The following EIF4E2 variants were observed in gnomAD, a reference collection of about 807,000 sequenced individuals.
The protein encoded by EIF4E2 is eukaryotic translation initiation factor 4E family member 2, also known as eukaryotic translation initiation factor 4E type 2.
Under a neutral mutation model 34.2 loss-of-function variants are expected in EIF4E2, and 13 were observed. The observed-to-expected ratio is 0.38, with a 90% CI of 0.25 to 0.60. The LOEUF is 0.60. Among genes scored for constraint, EIF4E2 ranks in the 20% least tolerant of loss-of-function variants. The pLI, the probability that EIF4E2 is intolerant of heterozygous loss-of-function variation, is 0.62. For synonymous variants in EIF4E2, 100 were observed against 106.6 expected (o/e 0.94, Z 0.38); for missense variants, 222 against 315.1 (o/e 0.70, Z 2.24).
chr2:232,554,029 AG>A (rs540851710), intron 1 of EIF4E2: 35 of 152,416 alleles, frequency 2.3e-4, no homozygotes, highest in African/African-American at 8.2e-4. Context: ...TTGCATCCCA[AG>A]GGTGTGCCCT....
chr2:232,569,131 G>T lies in EIF4E2; in HGVS notation c.*114G>T. The T allele has an allele frequency of 6.6e-7, 1 of 1,508,950 alleles. No individual in the cohort carries two copies. The highest frequency in any genetic ancestry group is 1.4e-5 in the African/African-American group (1 of 71,724). 93.5% of individuals were successfully genotyped at this position (1,508,950 alleles called of 1,614,324 possible). A position where few individuals can be genotyped will look rare whatever the true frequency, so the allele number is the denominator to read the frequency against. ...GTCCTGGACAAGAGGAATTGGAAGA[G>T]CATTTTATGTTTTAAGAACAGGCTG... On this transcript the variant is annotated 3_prime_UTR_variant, in exon 7 of 7. Coordinates refer to ENST00000258416, the MANE Select transcript of EIF4E2 (RefSeq NM_004846.4).
intron 6 of EIF4E2, chr2:232,580,877 C>CT: frequency 1.3e-6 from 2 of 1,541,170 alleles, no homozygotes; most frequent in African/African-American, 1.4e-5. Context: ...ATTGAACACT[C>CT]TATTTTCTCC....
chr2:232,560,797 A>C (rs1692695954), intron 3 of EIF4E2, among the ~76,000 whole-genome samples: 1 of 152,258 alleles, frequency 6.6e-6, no homozygotes, highest in Admixed American at 6.5e-5. Flanking sequence ...TGAGCTGATA[A>C]AATTTCAGCC....
At position 232,566,298 on chromosome 2, in the gene EIF4E2, C is replaced by T. The variant is rs939862508; in HGVS notation, c.376-531C>T. Among the ~76,000 whole-genome samples, 79 of 152,210 alleles carry T rather than the reference C, an allele frequency of 5.2e-4. No individual in the cohort carries two copies. Among genetic ancestry groups the T allele is most frequent in the African/African-American group, 1.9e-3 (78 of 41,556 alleles). On this transcript the variant is annotated intron_variant, in intron 4 of 6. Coordinates refer to ENST00000258416, the MANE Select transcript of EIF4E2 (RefSeq NM_004846.4). This position sits in a 1 kb window ranked among gnomAD's most constrained non-coding sequence, Gnocchi z 4.9. ...GCCTCCCGAGTTCACGCCATTCTCC[C>T]GCCTCAGCCTCCCGAGTAGCTGGGA...
At chr2:232,563,341 G>A (rs1048159090) in intron 3 of EIF4E2, among the ~76,000 whole-genome samples, 3 of 151,912 alleles carry the variant, frequency 2.0e-5, no homozygotes, top group Non-Finnish European at 4.4e-5. Context: ...GGAGTTAGAG[G>A]CTGTGATGAG....
At chr2:232,560,654 G>A (rs866659098) in intron 3 of EIF4E2, among the ~76,000 whole-genome samples, 7 of 152,040 alleles carry the variant, frequency 4.6e-5, no homozygotes, top group South Asian at 4.2e-4. Context: ...TTCAAAGGAC[G>A]CTATCAAGAA....
At chr2:232,564,861 T>C (rs1692864743) in intron 4 of EIF4E2, among the ~76,000 whole-genome samples, 1 of 152,230 alleles carries the variant, frequency 6.6e-6, no homozygotes, top group African/African-American at 2.4e-5. Context: ...TGTGGGTTGG[T>C]GCTGGGTGTT....
rs187043741 is a variant in EIF4E2 at position 232,555,881 on chromosome 2, A to C, written c.21-535A>C. Among the ~76,000 whole-genome samples the C allele has an allele frequency of 6.6e-4, 100 of 152,268 alleles. No individual in the cohort carries two copies. In the East Asian group the frequency reaches 0.017, roughly 25 times the overall value. ...CATGCAAGTTAAATGTCAGATTTGC[A>C]CTTAAAAAGATAATGCTAGTGAAAG... On this transcript the variant is annotated intron_variant, in intron 1 of 6. Transcript: ENST00000258416.
intron 3 of EIF4E2, among the ~76,000 whole-genome samples, chr2:232,559,594 T>A (rs1429408394): frequency 6.6e-6 from 1 of 152,150 alleles, no homozygotes; most frequent in Admixed American, 6.5e-5. Flanking sequence ...GTCAGTGATA[T>A]TATCCATGTT....
intron 6 of EIF4E2, chr2:232,568,651 C>T (rs1287813549): frequency 1.0e-6 from 1 of 985,096 alleles, no homozygotes; most frequent in Admixed American, 6.2e-5. Context: ...CATCAATTCT[C>T]CCCTTCTCTG....
chr2:232,569,255 C>A (rs1574673375), downstream of EIF4E2: 3 of 1,355,110 alleles, frequency 2.2e-6, no homozygotes. Flanking sequence ...AAAGATGTGG[C>A]CTTTCGGACT....
At chr2:232,574,138 T>A, downstream of EIF4E2, 1 of 965,120 alleles carries the variant, frequency 1.0e-6, no homozygotes, top group Non-Finnish European at 1.6e-6. Context: ...TGCTCCCAGG[T>A]ACCTGTGGCT....
At chr2:232,576,279 T>G (rs1196350122) in intron 6 of EIF4E2, among the ~76,000 whole-genome samples, 1 of 152,214 alleles carries the variant, frequency 6.6e-6, no homozygotes, top group African/African-American at 2.4e-5. Flanking sequence ...CAGTGTTTAC[T>G]TCTTAAAGTA....
chr2:232,574,490 G>A (rs1284765677), intron 6 of EIF4E2: 2 of 787,680 alleles, frequency 2.5e-6, no homozygotes, highest in Non-Finnish European at 4.1e-6. Context: ...CATCCTCCCT[G>A]GGTCCCATGT....
In EIF4E2 at chr2:232,550,753, C is replaced by T. The variant is rs1692276186; in HGVS notation, c.20+9C>T. On this transcript the variant is annotated intron_variant, in intron 1 of 6. Coordinates refer to ENST00000258416, the MANE Select transcript of EIF4E2 (RefSeq NM_004846.4). ...AACAACAAGTTCGACGCGTGAGTGG[C>T]TCGTGGCCGCCCCCGGGGCCCCTTC... 10 of 1,569,642 alleles carry T rather than the reference C, an allele frequency of 6.4e-6. No individual in the cohort carries two copies. The highest frequency in any genetic ancestry group is 1.4e-5 in the African/African-American group (1 of 72,150).
chr2:232,582,247 T>C (rs1693376946), exon 7 of EIF4E2: 1 of 152,646 alleles, frequency 6.6e-6, no homozygotes, highest in Non-Finnish European at 1.5e-5. Flanking sequence ...TTAAGGCCTC[T>C]CTTTAAAACA....
At chr2:232,574,004 G>A (rs1693152364), downstream of EIF4E2, 1 of 667,512 alleles carries the variant, frequency 1.5e-6, no homozygotes, top group Admixed American at 2.1e-5. Context: ...AGGAACACTG[G>A]TGCAAATCCT....
chr2:232,562,021 C>G (rs534915054), intron 3 of EIF4E2, among the ~76,000 whole-genome samples: 2 of 151,896 alleles, frequency 1.3e-5, no homozygotes, highest in African/African-American at 2.4e-5. Flanking sequence ...TCAAGACCAG[C>G]CTGGCAACAG....
chr2:232,558,179 C>T (rs1158775544), intron 3 of EIF4E2, 161 bp downstream of exon 3: 2 of 828,982 alleles, frequency 2.4e-6, no homozygotes, highest in African/African-American at 3.5e-5. Flanking sequence ...TTAGGTTTCT[C>T]ACTAGATATC....
Sources: allele counts gnomAD v4.1 joint callset (sites outside exome capture counted in the v4.1 genomes callset), GRCh38; gene constraint gnomAD v4.1.1; non-coding constraint Gnocchi (gnomAD v3.1); transcripts MANE v1.5; gene names NCBI Gene and HGNC (gene_info 2026-07-23, HGNC 2026-07-21).